The following CYRIB variants were observed in gnomAD, a reference collection of about 807,000 sequenced individuals.
CYRIB encodes the protein CYFIP-related Rac1 interactor B.
In CYRIB, 8 loss-of-function variants were observed where a neutral mutation model predicts 44.2. That is an observed-to-expected ratio of 0.18 (90% CI 0.11 to 0.33). CYRIB has a LOEUF of 0.33. Ranked by LOEUF, CYRIB falls within the 10% of genes least tolerant of loss-of-function variation. The probability of loss-of-function intolerance (pLI) is 1.00; values close to 1 mark genes in which losing one functional copy is unlikely to be tolerated. For synonymous variants in CYRIB, 131 were observed against 127.2 expected (o/e 1.03, Z -0.20); for missense variants, 185 against 382.8 (o/e 0.48, Z 4.31).
chr8:130,005,744 G>A (rs1298034437), intron 1 of CYRIB, among the ~76,000 whole-genome samples: 3 of 151,642 alleles, frequency 2.0e-5, no homozygotes, highest in African/African-American at 7.3e-5. Context: ...TTGAGAGGCT[G>A]AGGCAGGAGG....
intron 1 of CYRIB, among the ~76,000 whole-genome samples, chr8:129,917,244 A>T (rs992026416): frequency 1.3e-5 from 2 of 152,168 alleles, no homozygotes; most frequent in Non-Finnish European, 1.5e-5. Flanking sequence ...GTTAGAAAAC[A>T]CCAGTCATCA....
chr8:130,011,216 G>A (rs2097205485), intron 1 of CYRIB, among the ~76,000 whole-genome samples: 1 of 152,122 alleles, frequency 6.6e-6, no homozygotes, highest in African/African-American at 2.4e-5. Flanking sequence ...GGAAGCCCAG[G>A]AAGCTTTCAA....
At chr8:129,950,324 C>T (rs2094439298) in intron 2 of CYRIB, among the ~76,000 whole-genome samples, 1 of 152,212 alleles carries the variant, frequency 6.6e-6, no homozygotes, top group African/African-American at 2.4e-5. Context: ...AATCCCAGCA[C>T]TTTGGGAGGC....
At chr8:129,960,959 A>AG (rs2095225179) in intron 2 of CYRIB, among the ~76,000 whole-genome samples, 1 of 151,214 alleles carries the variant, frequency 6.6e-6, no homozygotes, top group Non-Finnish European at 1.5e-5. Flanking sequence ...CAAAAAAAAA[A>AG]AAAAAAGAAA....
chr8:129,845,027 C>T (rs1306129850), intron 11 of CYRIB, among the ~76,000 whole-genome samples: 1 of 152,144 alleles, frequency 6.6e-6, no homozygotes, highest in Non-Finnish European at 1.5e-5. Context: ...ACCAAACTGA[C>T]AGGTGACTCT....
intron 4 of CYRIB, among the ~76,000 whole-genome samples, chr8:129,867,739 C>T (rs1454295473): frequency 6.6e-6 from 1 of 152,162 alleles, no homozygotes; most frequent in Non-Finnish European, 1.5e-5. Flanking sequence ...CATAATAACG[C>T]TGTGAATTGC....
chr8:130,013,112 A>G (rs1309195469), intron 1 of CYRIB, among the ~76,000 whole-genome samples: 2 of 152,240 alleles, frequency 1.3e-5, no homozygotes, highest in Admixed American at 1.3e-4. Flanking sequence ...ACGCTTGCTG[A>G]GCAAACAGTG....
At chr8:129,958,178 C>A (rs1208167569) in intron 2 of CYRIB, among the ~76,000 whole-genome samples, 4 of 151,974 alleles carry the variant, frequency 2.6e-5, no homozygotes, top group African/African-American at 9.7e-5. Flanking sequence ...ATATTAATTT[C>A]TCCCTGGATA....
chr8:130,008,847 A>G (rs926710072), intron 1 of CYRIB, among the ~76,000 whole-genome samples: 1 of 152,194 alleles, frequency 6.6e-6, no homozygotes, highest in African/African-American at 2.4e-5. Context: ...TTATTGCCCA[A>G]GTTTCACTTC....
rs1413552122 is a variant in CYRIB at position 129,924,301 on chromosome 8, G to C, written c.-50+15307C>G. Among the ~76,000 whole-genome samples the C allele has an allele frequency of 1.3e-4, 12 of 95,916 alleles. 1 individual carries two copies. The highest frequency in any genetic ancestry group is 3.7e-4 in the African/African-American group (10 of 26,802). 62.9% of individuals were successfully genotyped at this position (95,916 alleles called of 152,430 possible). A position where few individuals can be genotyped will look rare whatever the true frequency, so the allele number is the denominator to read the frequency against. ...AAAAAAAAAAAAAACCGGGGGGGGG[G>C]GGGGTGGCGGGGGGGGTGTTACTTA... is the stretch of plus-strand genomic sequence containing the variant. On this transcript the variant is annotated intron_variant, in intron 1 of 11. Transcript: ENST00000519824.
At chr8:129,873,487 G>A (rs1168337651) in intron 3 of CYRIB, among the ~76,000 whole-genome samples, 1 of 151,816 alleles carries the variant, frequency 6.6e-6, no homozygotes, top group Non-Finnish European at 1.5e-5. Flanking sequence ...ATTCAGTAGA[G>A]AAAAATATGT....
At chr8:129,860,342 G>A (rs746280015) in intron 5 of CYRIB, among the ~76,000 whole-genome samples, 1 of 152,204 alleles carries the variant, frequency 6.6e-6, no homozygotes, top group Non-Finnish European at 1.5e-5. Flanking sequence ...AACTATAAAT[G>A]CAGCCAGAAA....
intron 2 of CYRIB, among the ~76,000 whole-genome samples, chr8:129,880,213 T>C (rs1268543727): frequency 1.3e-5 from 2 of 152,226 alleles, no homozygotes; most frequent in Non-Finnish European, 2.9e-5. Flanking sequence ...AAATTATACA[T>C]ATGATGGTGA....
chr8:129,908,951 T>A (rs950261198), intron 1 of CYRIB, among the ~76,000 whole-genome samples: 126 of 152,026 alleles, frequency 8.3e-4, no homozygotes, highest in Admixed American at 2.7e-3. Context: ...ATAAAGATTT[T>A]AAAAAAATGT....
intron 1 of CYRIB, among the ~76,000 whole-genome samples, chr8:129,990,144 G>C (rs1164006669): frequency 6.6e-6 from 1 of 152,124 alleles, no homozygotes; most frequent in East Asian, 1.9e-4. Context: ...TCTTCTACTA[G>C]GCTGTGCTCT....
chr8:129,923,586 T>G (rs1042464184), intron 1 of CYRIB, among the ~76,000 whole-genome samples: 1 of 152,106 alleles, frequency 6.6e-6, no homozygotes, highest in Non-Finnish European at 1.5e-5. Flanking sequence ...AGTCAACCTT[T>G]AGTCTCTTAT....
At chr8:129,971,647 T>C (rs1221610728) in intron 1 of CYRIB, among the ~76,000 whole-genome samples, 1 of 152,144 alleles carries the variant, frequency 6.6e-6, no homozygotes, top group Admixed American at 6.6e-5. Flanking sequence ...AGATTCAGTA[T>C]AAAGGATATT....
In CYRIB at chr8:129,846,717, T is replaced by C. The variant is rs1441569156; in HGVS notation, c.911+87A>G. On this transcript the variant is annotated intron_variant, in intron 11 of 11. Transcript: ENST00000519824. ...TTGAACACTTATTTTTATATCCTAT[T>C]CACACTTAATGCATTTTCTTTACAT... 45 of 822,814 alleles carry C rather than the reference T, an allele frequency of 5.5e-5. 1 individual carries two copies. The highest frequency in any genetic ancestry group is 2.2e-5 in the Non-Finnish European group (11 of 509,064). 51.0% of individuals were successfully genotyped at this position (822,814 alleles called of 1,614,324 possible).
chr8:129,901,369 A>ACCAT (rs1469726143), intron 2 of CYRIB: 1 of 151,986 alleles, frequency 6.6e-6, no homozygotes, highest in Non-Finnish European at 1.5e-5. Flanking sequence ...GGCAGGTGCT[A>ACCAT]CCATGCCTGG....
Sources: allele counts gnomAD v4.1 joint callset (sites outside exome capture counted in the v4.1 genomes callset), GRCh38; gene constraint gnomAD v4.1.1; transcripts MANE v1.5; gene names NCBI Gene and HGNC (gene_info 2026-07-23, HGNC 2026-07-21).